Variants in GABRG3 observed in about 807,000 individuals in gnomAD.
The protein encoded by GABRG3 is gamma-aminobutyric acid type A receptor subunit gamma3.
A neutral mutation model predicts 48.8 loss-of-function variants in GABRG3; 25 were observed. The observed-to-expected ratio is 0.51, with a 90% CI of 0.37 to 0.72. The LOEUF (loss-of-function observed/expected upper bound fraction) is 0.72, where lower values mean the gene tolerates loss of function less well. Among genes scored for constraint, GABRG3 ranks in the 30% least tolerant of loss-of-function variants. The pLI is 0.00. For missense variants in GABRG3, 394 were observed against 577.9 expected, an observed-to-expected ratio of 0.68 and a Z score of 3.26; for synonymous variants, 227 against 217.6, an observed-to-expected ratio of 1.04 and a Z score of -0.38.
At chr15:27,494,368 G>A (rs369201835) in intron 6 of GABRG3, among the ~76,000 whole-genome samples, 15 of 152,160 alleles carry the variant, frequency 9.9e-5, no homozygotes, top group African/African-American at 3.6e-4. Context: ...AAAATGAAGA[G>A]AGAAGTGTTC....
chr15:27,458,981 G>A (rs919917427), intron 5 of GABRG3, among the ~76,000 whole-genome samples: 2 of 152,152 alleles, frequency 1.3e-5, no homozygotes, highest in Admixed American at 6.5e-5. Flanking sequence ...TCCTCTGCAG[G>A]CATCATTGCT....
chr15:27,168,940 G>A (rs1461287867), intron 3 of GABRG3, among the ~76,000 whole-genome samples: 4 of 152,240 alleles, frequency 2.6e-5, no homozygotes, highest in East Asian at 1.9e-4. Flanking sequence ...GGAGAGAGCC[G>A]TGCAGCCATG....
intron 3 of GABRG3, among the ~76,000 whole-genome samples, chr15:27,200,486 T>C (rs1454498765): frequency 1.3e-5 from 2 of 152,204 alleles, no homozygotes; most frequent in Non-Finnish European, 2.9e-5. Context: ...TGTTAGGTGC[T>C]GCATGCAACC....
intron 2 of GABRG3, among the ~76,000 whole-genome samples, chr15:26,979,215 T>C (rs1257793459): frequency 6.6e-6 from 1 of 152,238 alleles, no homozygotes; most frequent in East Asian, 1.9e-4. Context: ...TATAGAAGTT[T>C]GGGACTTTTT....
intron 3 of GABRG3, among the ~76,000 whole-genome samples, chr15:27,268,635 A>C (rs183125743): frequency 1.3e-5 from 2 of 152,298 alleles, no homozygotes; most frequent in Admixed American, 6.5e-5. Flanking sequence ...TTTAAGGTCT[A>C]TCTTTAATAT....
intron 3 of GABRG3, among the ~76,000 whole-genome samples, chr15:27,207,234 C>T (rs924655402): frequency 3.3e-5 from 5 of 152,262 alleles, no homozygotes; most frequent in African/African-American, 9.6e-5. Flanking sequence ...CACTGTAATT[C>T]AGGACAAAAC....
At chr15:27,432,731 G>GT (rs1204356165) in intron 5 of GABRG3, among the ~76,000 whole-genome samples, 1 of 152,180 alleles carries the variant, frequency 6.6e-6, no homozygotes, top group African/African-American at 2.4e-5. Context: ...TTGCTTAGCA[G>GT]TTTATCTCCT....
At chr15:27,003,165 T>A (rs1895486900) in intron 2 of GABRG3, among the ~76,000 whole-genome samples, 1 of 150,248 alleles carries the variant, frequency 6.7e-6, no homozygotes, top group African/African-American at 2.4e-5. Context: ...TTTATTTTTT[T>A]ATTTTTTATT....
At chr15:27,155,460 G>C (rs1469093432) in intron 3 of GABRG3, among the ~76,000 whole-genome samples, 1 of 152,060 alleles carries the variant, frequency 6.6e-6, no homozygotes, top group Non-Finnish European at 1.5e-5. Flanking sequence ...AGAACTTTCT[G>C]GTTCTTGGTA....
intron 3 of GABRG3, among the ~76,000 whole-genome samples, chr15:27,308,552 C>T (rs1433209542): frequency 6.8e-6 from 1 of 147,354 alleles, no homozygotes; most frequent in Non-Finnish European, 1.5e-5. Context: ...ATAATGTAAA[C>T]ATACATGTTT....
chr15:27,315,683 T>C (rs565596340), intron 3 of GABRG3, among the ~76,000 whole-genome samples: 1 of 152,366 alleles, frequency 6.6e-6, no homozygotes, highest in East Asian at 1.9e-4. Flanking sequence ...GAATACCATA[T>C]GAAATCTTGC....
chr15:27,172,522 T>G (rs1887606844), intron 3 of GABRG3, among the ~76,000 whole-genome samples: 1 of 152,152 alleles, frequency 6.6e-6, no homozygotes, highest in South Asian at 2.1e-4. Context: ...ACTGCACTTT[T>G]GCAAATTAAA....
intron 3 of GABRG3, among the ~76,000 whole-genome samples, chr15:27,064,493 T>C (rs1260539894): frequency 6.6e-6 from 1 of 152,126 alleles, no homozygotes; most frequent in Non-Finnish European, 1.5e-5. Context: ...CTTTCTGGCC[T>C]TTGTCTGGCT....
In GABRG3 at chr15:27,412,042, A is replaced by T. The variant is rs180924854; in HGVS notation, c.575-68608A>T. Among the ~76,000 whole-genome samples, 589 of 152,032 alleles carry T rather than the reference A, an allele frequency of 3.9e-3. 10 individuals are homozygous for T. Among genetic ancestry groups the T allele is most frequent in the Admixed American group, 0.031 (476 of 15,256 alleles). ...CTTCGTATAATATTTATTTCTGGGC[A>T]GGTCTGCTGCCATTTTGTTCCCTAA... On this transcript the variant is annotated intron_variant, in intron 5 of 9. Transcript: ENST00000615808.
intron 3 of GABRG3, among the ~76,000 whole-genome samples, chr15:27,150,629 T>G (rs185255348): frequency 4.6e-4 from 70 of 152,346 alleles, no homozygotes; most frequent in Middle Eastern, 6.8e-3. Flanking sequence ...ATTTCACTAC[T>G]AACCCTTGCC....
At chr15:27,511,557 G>T (rs950125043) in intron 6 of GABRG3, among the ~76,000 whole-genome samples, 1 of 152,200 alleles carries the variant, frequency 6.6e-6, no homozygotes, top group Non-Finnish European at 1.5e-5. Context: ...ACTGCTCAAC[G>T]CAAAATCCCA....
At chr15:27,123,514 T>C (rs1008055961) in intron 3 of GABRG3, among the ~76,000 whole-genome samples, 5 of 152,224 alleles carry the variant, frequency 3.3e-5, no homozygotes, top group Admixed American at 6.5e-5. Context: ...GGAGCCTTGA[T>C]CTTAGACTTC....
At chr15:27,299,810 AG>A (rs1199604265) in intron 3 of GABRG3, among the ~76,000 whole-genome samples, 1 of 152,118 alleles carries the variant, frequency 6.6e-6, no homozygotes, top group Non-Finnish European at 1.5e-5. Flanking sequence ...TGTGACAGAG[AG>A]GGGGTAACCA....
chr15:27,355,707 GT>G (rs1294895869), intron 5 of GABRG3, among the ~76,000 whole-genome samples: 1 of 152,170 alleles, frequency 6.6e-6, no homozygotes, highest in Non-Finnish European at 1.5e-5. Context: ...TATACAAAAA[GT>G]GGGGGGAAAC....
Sources: allele counts gnomAD v4.1 joint callset (sites outside exome capture counted in the v4.1 genomes callset), GRCh38; gene constraint gnomAD v4.1.1; transcripts MANE v1.5; gene names NCBI Gene and HGNC (gene_info 2026-07-23, HGNC 2026-07-21).